The following BUD13 variants were observed in gnomAD, a reference collection of about 807,000 sequenced individuals.
The protein encoded by BUD13 is BUD13 spliceosome associated protein.
In BUD13, 47 loss-of-function variants were observed where a neutral mutation model predicts 62.5. The ratio of observed to expected loss-of-function variants is 0.75; its 90% CI spans 0.60 to 0.96. The LOEUF (loss-of-function observed/expected upper bound fraction) is 0.96, where lower values mean the gene tolerates loss of function less well. Ranked by LOEUF, BUD13 falls within the 40% of genes least tolerant of loss-of-function variation. BUD13 has a pLI of 0.00. For synonymous variants in BUD13, 293 were observed against 280.1 expected (o/e 1.05, Z -0.46); for missense variants, 821 against 790.9 (o/e 1.04, Z -0.46).
At chr11:116,750,522 CT>C (rs1359821464) in intron 9 of BUD13, among the ~76,000 whole-genome samples, 1 of 152,140 alleles carries the variant, frequency 6.6e-6, no homozygotes, top group African/African-American at 2.4e-5. Flanking sequence ...ATGACTCCTC[CT>C]TCCTCTTCCC....
chr11:116,767,135 C>A (rs981604265), intron 2 of BUD13, among the ~76,000 whole-genome samples: 26 of 151,162 alleles, frequency 1.7e-4, no homozygotes, highest in Admixed American at 1.6e-3. Flanking sequence ...CTGCAGTGAG[C>A]CAAGATTGAG....
intron 2 of BUD13, among the ~76,000 whole-genome samples, chr11:116,767,202 AT>A: frequency 6.6e-6 from 1 of 151,908 alleles, no homozygotes; most frequent in East Asian, 1.9e-4. Context: ...AAAAAAAATA[AT>A]AAAAACAATT....
chr11:116,750,822 C>T (rs991389248), intron 9 of BUD13, among the ~76,000 whole-genome samples: 1 of 152,172 alleles, frequency 6.6e-6, no homozygotes, highest in Non-Finnish European at 1.5e-5. Context: ...CTCAGATAGG[C>T]TTCCAGGGCC....
At chr11:116,748,980 C>CAAAAAAAAAAA (rs58988682) in intron 9 of BUD13, among the ~76,000 whole-genome samples, 1 of 87,016 alleles carries the variant, frequency 1.1e-5, no homozygotes, top group Non-Finnish European at 2.3e-5. Context: ...GACTCTGTCT[C>CAAAAAAAAAAA]AAAAAAAAAA....
At chr11:116,758,628 C>T (rs980889612) in intron 6 of BUD13, among the ~76,000 whole-genome samples, 1 of 137,440 alleles carries the variant, frequency 7.3e-6, no homozygotes, top group Non-Finnish European at 1.5e-5. Context: ...CACTCTGTTG[C>T]CCAGGTTGGA....
At chr11:116,765,536 A>G in intron 2 of BUD13, 90 bp from the exon 3 acceptor site, 1 of 1,390,528 alleles carries the variant, frequency 7.2e-7, no homozygotes, top group Non-Finnish European at 1.0e-6. Context: ...AACCATTCCG[A>G]TTCCTAACAC....
chr11:116,758,506 C>A, intron 6 of BUD13, 99 bp from the exon 7 acceptor site: 1 of 1,357,496 alleles, frequency 7.4e-7, no homozygotes, highest in Non-Finnish European at 1.0e-6. Flanking sequence ...TAGATAAGAA[C>A]TTCTGCAGCC....
intron 9 of BUD13, among the ~76,000 whole-genome samples, chr11:116,755,792 ATTAGT>A (rs1940311629): frequency 1.3e-5 from 2 of 152,158 alleles, no homozygotes; most frequent in African/African-American, 4.8e-5. Context: ...TGTTAACATA[ATTAGT>A]TTATTTTTTT....
In BUD13 at chr11:116,763,015, T is replaced by C. The variant is rs1940462385; in HGVS notation, c.574A>G (p.Arg192Gly). The C allele has an allele frequency of 1.2e-6, 2 of 1,613,330 alleles. No homozygotes were observed. The highest frequency in any genetic ancestry group is 1.7e-6 in the Non-Finnish European group (2 of 1,179,776). The stretch of plus-strand genomic sequence containing the variant: ...GGATCTGGAGAATCATGACGGGCCC[T>C]CCTTGGGGGTGAAGTGTCTGAGGAG... ...HDSSDTSPPR[R>G]ARHDSPDPSP... Residue 192 changes from arginine (R) to glycine (G), a missense_variant, in exon 4 of 10, where the codon AGG becomes GGG. This residue lies in a region of BUD13 where 800 missense variants were observed against 739.2 expected (regional missense o/e 1.08). Transcript: ENST00000260210.
In BUD13 at chr11:116,763,221, G is replaced by T. The variant is rs755546839; in HGVS notation, c.368C>A (p.Thr123Asn). The stretch of plus-strand genomic sequence containing the variant: ...GACCCTCCTAGGAGATGAATCCGGG[G>T]TATCGTGACGAAAATGTCTGTTTGA... ...LPSNRHFRHD[T>N]PDSSPRRVRH... The change falls in exon 4 of 10, where the codon ACC (threonine) becomes AAC (asparagine). Residue 123 changes from threonine to asparagine, a missense_variant. By Grantham distance (65) the Thr-to-Asn change is moderately conservative. This residue lies in a region of BUD13 where 800 missense variants were observed against 739.2 expected (regional missense o/e 1.08). Coordinates refer to ENST00000260210, the MANE Select transcript of BUD13 (RefSeq NM_032725.4). The T allele has an allele frequency of 6.4e-7, 1 of 1,555,492 alleles. No homozygotes were observed. The highest frequency in any genetic ancestry group is 8.7e-7 in the Non-Finnish European group (1 of 1,151,506).
chr11:116,750,021 G>C (rs1565310224), intron 9 of BUD13, among the ~76,000 whole-genome samples: 1 of 152,180 alleles, frequency 6.6e-6, no homozygotes, highest in Non-Finnish European at 1.5e-5. Context: ...AATCTCTCAA[G>C]TCTAAATCAA....
rs942394289 is a variant in BUD13, at chr11:116,758,992, A to G, written c.1360+82T>C. 1.5e-5 allele frequency: 15 copies of G among 1,019,882 alleles called. No individual in the cohort carries two copies. In the African/African-American group the frequency reaches 2.0e-4, roughly 14 times the overall value. The allele number at this position is 1,019,882 out of a possible 1,614,324, so 63.2% of individuals were successfully genotyped here. A position where few individuals can be genotyped will look rare whatever the true frequency, so the allele number is the denominator to read the frequency against. On this transcript the variant is annotated intron_variant, in intron 6 of 9. Coordinates refer to ENST00000260210, the MANE Select transcript of BUD13 (RefSeq NM_032725.4). ...GAAATTTGATAGCAATTAAAAGTTC[A>G]AAATATCAGGTACAATAAGCTAAAT...
At chr11:116,761,399 A>G (rs1217000938) in intron 4 of BUD13, among the ~76,000 whole-genome samples, 1 of 147,168 alleles carries the variant, frequency 6.8e-6, no homozygotes, top group Non-Finnish European at 1.5e-5. Context: ...TAACTTACCA[A>G]GCTAATGTAC....
intron 2 of BUD13, among the ~76,000 whole-genome samples, chr11:116,768,121 A>G (rs1940564226): frequency 6.6e-6 from 1 of 152,056 alleles, no homozygotes; most frequent in Admixed American, 6.6e-5. Context: ...AATATAACTA[A>G]AGCGAACCAT....
chr11:116,757,503 A>C (rs1243426366), intron 8 of BUD13, among the ~76,000 whole-genome samples: 2 of 145,382 alleles, frequency 1.4e-5, no homozygotes, highest in Admixed American at 7.0e-5. Flanking sequence ...ATGGGGTTTC[A>C]CCATGTTGGC....
intron 1 of BUD13, 103 bp from the exon 2 acceptor site, chr11:116,770,325 GC>G: frequency 1.1e-6 from 1 of 924,494 alleles, no homozygotes; most frequent in Non-Finnish European, 1.6e-6. Flanking sequence ...ACAGGATCCT[GC>G]ATGGTCCAGT....
rs1205200881 is a variant in BUD13, at chr11:116,761,069, TA to T, written c.1037-118del. 2,309 of 825,746 alleles carry T rather than the reference TA, an allele frequency of 2.8e-3. 2 individuals are homozygous for T. The highest frequency in any genetic ancestry group is 0.028 in the East Asian group (847 of 30,504). The allele number at this position is 825,746 out of a possible 1,614,324, so 51.2% of individuals were successfully genotyped here. ...ATTAAAGAATTCCTTACATTATTAT[TA>T]TTTTTTTTTTTTTGAGACAGTCTCA... On this transcript the variant is annotated intron_variant, in intron 4 of 9. Transcript: ENST00000260210.
At chr11:116,752,218 T>C (rs1024785074) in intron 9 of BUD13, among the ~76,000 whole-genome samples, 1 of 152,152 alleles carries the variant, frequency 6.6e-6, no homozygotes, top group Non-Finnish European at 1.5e-5. Context: ...AGTGCTGAGA[T>C]TATAGGCATG....
At position 116,748,410 on chromosome 11, in the gene BUD13, A is replaced by G; in HGVS notation, c.*72T>C. 1 of 1,351,084 alleles carries G rather than the reference A, an allele frequency of 7.4e-7. No homozygotes were observed. Among genetic ancestry groups the G allele is most frequent in the African/African-American group, 1.4e-5 (1 of 69,768 alleles). The allele number at this position is 1,351,084 out of a possible 1,614,324, so 83.7% of individuals were successfully genotyped here. On this transcript the variant is annotated 3_prime_UTR_variant, in exon 10 of 10. Coordinates refer to ENST00000260210, the MANE Select transcript of BUD13 (RefSeq NM_032725.4). Reference sequence around the variant, plus strand: ...TGGGCTCCAATTATTAGCACAGACAACTGTTACCACTGGATATCTCGCTGC... The same window carrying G: ...TGGGCTCCAATTATTAGCACAGACAGCTGTTACCACTGGATATCTCGCTGC...
Sources: allele counts gnomAD v4.1 joint callset (sites outside exome capture counted in the v4.1 genomes callset), GRCh38; gene constraint gnomAD v4.1.1; regional missense constraint gnomAD v4.1.1; transcripts MANE v1.5; gene names NCBI Gene and HGNC (gene_info 2026-07-23, HGNC 2026-07-21).